EYS: variants seen among roughly 807,000 people sequenced by gnomAD.
EYS encodes the protein EGF-like photoreceptor maintenance factor, also known as protein eyes shut homolog.
EYS carries 250 observed loss-of-function variants against 282.1 expected under a neutral mutation model. The observed-to-expected ratio is 0.89, with a 90% CI of 0.80 to 0.98. The LOEUF is 0.98. Among genes scored for constraint, EYS ranks in the 50% least tolerant of loss-of-function variants. The pLI, the probability that EYS is intolerant of heterozygous loss-of-function variation, is 0.00. For synonymous variants in EYS, 1,355 were observed against 1,282.9 expected (o/e 1.06, Z -1.20); for missense variants, 4,016 against 3,709.0 (o/e 1.08, Z -2.15).
chr6:64,765,026 C>T (rs868190636), intron 22 of EYS, among the ~76,000 whole-genome samples: 7 of 152,114 alleles, frequency 4.6e-5, no homozygotes, highest in East Asian at 1.9e-4. Context: ...CGTCAGCCAC[C>T]GCGCCTGCCC....
intron 2 of EYS, among the ~76,000 whole-genome samples, chr6:65,620,360 C>A (rs539645413): frequency 1.6e-3 from 241 of 152,220 alleles, no homozygotes; most frequent in African/African-American, 5.5e-3. Context: ...TTGTAGTATT[C>A]TCTGATGGTA....
chr6:64,901,956 TA>T (rs1448826534), intron 18 of EYS, among the ~76,000 whole-genome samples, 156 bp downstream of exon 18: 1 of 152,154 alleles, frequency 6.6e-6, no homozygotes, highest in African/African-American at 2.4e-5. Flanking sequence ...ATTTTTGACA[TA>T]AGTGATTGGA....
intron 33 of EYS, among the ~76,000 whole-genome samples, chr6:64,008,708 T>C (rs1226434099): frequency 2.0e-5 from 3 of 152,224 alleles, no homozygotes; most frequent in Non-Finnish European, 4.4e-5. Context: ...GGATCTTATT[T>C]CTTCTTTGCT....
At chr6:63,814,346 G>A (rs898647449) in intron 36 of EYS, among the ~76,000 whole-genome samples, 5 of 152,036 alleles carry the variant, frequency 3.3e-5, no homozygotes, top group African/African-American at 4.8e-5. Context: ...AGAGATACCC[G>A]GTACATGAAT....
intron 35 of EYS, among the ~76,000 whole-genome samples, chr6:63,893,053 A>T (rs1360401152): frequency 6.6e-6 from 1 of 152,200 alleles, no homozygotes; most frequent in African/African-American, 2.4e-5. Context: ...AGTTAGAATG[A>T]TGATCATTAA....
Position 63,778,041 on chromosome 6 carries a change from A to G in EYS, c.7863T>C (p.Asn2621=). 1 of 1,551,698 alleles carries G rather than the reference A, an allele frequency of 6.4e-7. No homozygotes were observed. The highest frequency in any genetic ancestry group is 2.4e-5 in the East Asian group (1 of 40,926). Residue 2621 remains asparagine, a synonymous_variant, in exon 40 of 43, where the codon AAT becomes AAC. Transcript: ENST00000503581. ...TTCCACTCTCTATGCATGTCCCACC[A>G]TTGCCACATTTCATTAAACTGCAGG... The part of the protein sequence containing the change: ...ASPCSLMKCG[N]GGTCIESGTS...
At chr6:64,436,459 G>T (rs1047642087) in intron 27 of EYS, among the ~76,000 whole-genome samples, 194 bp from the exon 28 acceptor site, 2 of 151,724 alleles carry the variant, frequency 1.3e-5, no homozygotes, top group African/African-American at 4.8e-5. Flanking sequence ...ACAAATATAT[G>T]AGTATTATAT....
intron 2 of EYS, among the ~76,000 whole-genome samples, chr6:65,557,408 C>T (rs920371548): frequency 1.1e-4 from 17 of 152,316 alleles, no homozygotes; most frequent in East Asian, 3.9e-4. Flanking sequence ...GGCACAGGTG[C>T]GAGTTTGTGT....
At chr6:64,680,165 C>T (rs993180391) in intron 22 of EYS, among the ~76,000 whole-genome samples, 5 of 151,896 alleles carry the variant, frequency 3.3e-5, no homozygotes, top group African/African-American at 7.3e-5. Context: ...TATTTGTATG[C>T]CAAAAGTGAG....
chr6:63,868,644 G>C (rs1337935711), intron 35 of EYS, among the ~76,000 whole-genome samples: 1 of 152,090 alleles, frequency 6.6e-6, no homozygotes, highest in Non-Finnish European at 1.5e-5. Context: ...CTATGTATCG[G>C]CTCTGATAGC....
chr6:65,237,688 T>C (rs750677904), intron 12 of EYS, among the ~76,000 whole-genome samples: 2 of 152,182 alleles, frequency 1.3e-5, no homozygotes, highest in Non-Finnish European at 2.9e-5. Context: ...TAAATAATGG[T>C]ATGTCCATCT....
intron 22 of EYS, among the ~76,000 whole-genome samples, chr6:64,707,883 A>G (rs1771085215): frequency 6.6e-6 from 1 of 152,224 alleles, no homozygotes; most frequent in Non-Finnish European, 1.5e-5. Flanking sequence ...AAAAAGAAAA[A>G]AAACATGAAG....
chr6:64,627,012 A>G (rs923410865), intron 22 of EYS, among the ~76,000 whole-genome samples: 3 of 152,170 alleles, frequency 2.0e-5, no homozygotes, highest in Non-Finnish European at 2.9e-5. Flanking sequence ...CTTCCTCTTA[A>G]TTTTTAGGGA....
intron 26 of EYS, among the ~76,000 whole-genome samples, chr6:64,576,124 A>G (rs1421970409): frequency 1.3e-5 from 2 of 152,154 alleles, no homozygotes. Flanking sequence ...TGGAAAATGC[A>G]TAAGGACTTT....
chr6:63,818,429 TTGAC>T (rs1433180203), intron 36 of EYS, among the ~76,000 whole-genome samples: 1 of 152,208 alleles, frequency 6.6e-6, no homozygotes, highest in Non-Finnish European at 1.5e-5. Flanking sequence ...CACAGCTTCT[TTGAC>T]TGAGAGGGTT....
chr6:65,683,945 C>T (rs1200912572), intron 1 of EYS, among the ~76,000 whole-genome samples: 1 of 151,946 alleles, frequency 6.6e-6, no homozygotes, highest in Non-Finnish European at 1.5e-5. Flanking sequence ...TGCAATAATG[C>T]TAATTTTGGA....
chr6:64,467,432 A>C (rs942082072), intron 26 of EYS, among the ~76,000 whole-genome samples: 1 of 152,208 alleles, frequency 6.6e-6, no homozygotes, highest in African/African-American at 2.4e-5. Flanking sequence ...GTATGCTTAC[A>C]TCCTGAAGAA....
At chr6:63,833,338 C>G (rs1296511843) in intron 36 of EYS, among the ~76,000 whole-genome samples, 4 of 152,198 alleles carry the variant, frequency 2.6e-5, no homozygotes, top group African/African-American at 4.8e-5. Flanking sequence ...AGCCCCAAAT[C>G]TCCTTAAGCT....
intron 22 of EYS, among the ~76,000 whole-genome samples, chr6:64,740,871 G>T (rs1399271602): frequency 6.6e-6 from 1 of 151,904 alleles, no homozygotes; most frequent in Non-Finnish European, 1.5e-5. Context: ...CAGCCACCAC[G>T]CCTGGCTAAT....
Sources: gnomAD v4.1 joint callset for allele counts (sites outside exome capture counted in the v4.1 genomes callset) on GRCh38, gnomAD v4.1.1 for gene constraint, MANE v1.5 for transcripts, NCBI Gene and HGNC (gene_info 2026-07-23, HGNC 2026-07-21) for gene names.